FREM2: variants seen among roughly 807,000 people sequenced by gnomAD.
FREM2 encodes FRAS1-related extracellular matrix protein 2.
FREM2 carries 119 observed loss-of-function variants against 219.9 expected under a neutral mutation model. The observed-to-expected ratio is 0.54, with a 90% CI of 0.47 to 0.63. The LOEUF (loss-of-function observed/expected upper bound fraction) is 0.63. Among genes scored for constraint, FREM2 ranks in the 30% least tolerant of loss-of-function variants. FREM2 has a pLI of 0.00. For missense variants in FREM2, 4,030 were observed against 3,993.6 expected (o/e 1.01, Z -0.25); for synonymous variants, 1,562 against 1,522.8 (o/e 1.03, Z -0.60).
chr13:38,691,720 C>G lies in FREM2; in HGVS notation c.4376C>G (p.Thr1459Ser). 6.2e-7 allele frequency: 1 copy of G among 1,613,610 alleles called. No individual in the cohort carries two copies. Among genetic ancestry groups the G allele is most frequent in the South Asian group, 1.1e-5 (1 of 91,070 alleles). Residue 1459 changes from threonine to serine, a missense_variant, in exon 1 of 24, where the codon ACC becomes AGC. Physicochemically the swap from Thr to Ser is moderately conservative, Grantham distance 58. Transcript: ENST00000280481. The part of the protein sequence containing the change: ...LNSPDENLVF[T>S]ITRAPMRGHL... ...AGTCCTGATGAAAACTTGGTTTTTA[C>G]CATCACCAGGGCTCCCATGCGAGGT...
At chr13:38,864,015 G>A (rs1019516259) in intron 15 of FREM2, among the ~76,000 whole-genome samples, 3 of 151,962 alleles carry the variant, frequency 2.0e-5, no homozygotes, top group South Asian at 4.2e-4. Flanking sequence ...TTTTGGTAGA[G>A]ACAGGGTTTC....
At chr13:38,772,054 C>T (rs1406203845) in intron 4 of FREM2, among the ~76,000 whole-genome samples, 1 of 152,026 alleles carries the variant, frequency 6.6e-6, no homozygotes, top group African/African-American at 2.4e-5. Context: ...TCCTTTTGTA[C>T]TCTCTCTCCA....
chr13:38,725,526 G>A (rs1217110658), intron 2 of FREM2, among the ~76,000 whole-genome samples: 8 of 152,164 alleles, frequency 5.3e-5, no homozygotes, highest in East Asian at 3.9e-4. Context: ...TGGAAAGACC[G>A]GGGAGAAATT....
intron 6 of FREM2, chr13:38,821,914 G>A (rs1157118115): frequency 3.3e-5 from 5 of 152,200 alleles, no homozygotes; most frequent in East Asian, 1.9e-4. Flanking sequence ...TCAGGCTCCC[G>A]GAAGGCCAGT....
chr13:38,784,866 CT>C, intron 6 of FREM2, 58 bp downstream of exon 6: 4 of 1,564,600 alleles, frequency 2.6e-6, no homozygotes, highest in Non-Finnish European at 3.5e-6. Context: ...TCAGGAACAA[CT>C]TTCTAGACAG....
At chr13:38,808,117 C>T (rs148551433) in intron 6 of FREM2, among the ~76,000 whole-genome samples, 123 of 152,058 alleles carry the variant, frequency 8.1e-4, no homozygotes, top group African/African-American at 2.8e-3. Flanking sequence ...GATTTAGAGA[C>T]GGCTTCTTTC....
chr13:38,810,910 T>C (rs1875450497), intron 6 of FREM2, among the ~76,000 whole-genome samples: 1 of 152,062 alleles, frequency 6.6e-6, no homozygotes, highest in African/African-American at 2.4e-5. Context: ...AATGTTTTGG[T>C]AGAATTCAGC....
chr13:38,768,408 C>A (rs1873526143), intron 3 of FREM2, among the ~76,000 whole-genome samples: 1 of 152,078 alleles, frequency 6.6e-6, no homozygotes, highest in Non-Finnish European at 1.5e-5. Context: ...TCCCCAGTAG[C>A]AAGGACTACA....
At position 38,749,402 on chromosome 13, in the gene FREM2, T is replaced by C. The variant is rs533769304; in HGVS notation, c.5264-14902T>C. 6.2e-4 allele frequency among the ~76,000 whole-genome samples: 94 copies of C among 152,300 alleles called. 1 individual carries two copies. Among genetic ancestry groups the C allele is most frequent in the Middle Eastern group, 3.4e-3 (1 of 294 alleles). ...GTAAGAAGAGGAGGCAGTTTTATCA[T>C]TTCATCATATATATTCACAATTCAA... is the stretch of plus-strand genomic sequence containing the variant. On this transcript the variant is annotated intron_variant, in intron 2 of 23. Transcript: ENST00000280481.
At chr13:38,769,498 C>T in intron 3 of FREM2, 80 bp from the exon 4 acceptor site, 1 of 1,271,432 alleles carries the variant, frequency 7.9e-7, no homozygotes, top group Non-Finnish European at 1.1e-6. Context: ...GATAAAATGA[C>T]ATGCAAAAAG....
In FREM2 at chr13:38,843,294, G is replaced by A. The variant is rs77058412; in HGVS notation, c.6020-3279G>A. Among the ~76,000 whole-genome samples, 1,142 of 152,194 alleles carry A rather than the reference G, an allele frequency of 7.5e-3. 14 individuals are homozygous for A. The highest frequency in any genetic ancestry group is 0.026 in the African/African-American group (1,095 of 41,534). On this transcript the variant is annotated intron_variant, in intron 6 of 23. Coordinates refer to ENST00000280481, the MANE Select transcript of FREM2 (RefSeq NM_207361.6). Reference sequence around the variant, plus strand: ...TCTGTGAACTTAAACATGGTACAAGGCACAGTATGTATTTAGGAGCTGAAT... The same window carrying A: ...TCTGTGAACTTAAACATGGTACAAGACACAGTATGTATTTAGGAGCTGAAT...
At chr13:38,878,698 A>T (rs970282499) in intron 22 of FREM2, 133 bp from the exon 23 acceptor site, 4 of 953,246 alleles carry the variant, frequency 4.2e-6, no homozygotes, top group Non-Finnish European at 6.6e-6. Flanking sequence ...CAACAAAATG[A>T]TCATTTTTAG....
At chr13:38,843,378 A>G (rs993493860) in intron 6 of FREM2, among the ~76,000 whole-genome samples, 2 of 152,100 alleles carry the variant, frequency 1.3e-5, no homozygotes, top group Admixed American at 6.6e-5. Context: ...GGGTATTTCC[A>G]TAACTGATCT....
intron 15 of FREM2, among the ~76,000 whole-genome samples, chr13:38,863,008 A>G (rs983567877): frequency 1.8e-4 from 28 of 152,268 alleles, no homozygotes; most frequent in African/African-American, 6.7e-4. Context: ...ACAAATTTTC[A>G]GTCCTTAGCC....
intron 16 of FREM2, among the ~76,000 whole-genome samples, chr13:38,869,757 A>C (rs887452045): frequency 6.6e-6 from 1 of 152,230 alleles, no homozygotes; most frequent in South Asian, 2.1e-4. Flanking sequence ...GTTTGGGTTC[A>C]CAATAAAAAA....
rs1869525739 is a variant in FREM2 at position 38,687,552 on chromosome 13, G to A, written c.208G>A (p.Glu70Lys). The change falls in exon 1 of 24, where the codon GAG becomes AAG. Residue 70 changes from glutamate (E) to lysine (K), a missense_variant. Glu to Lys is a moderately conservative substitution (Grantham distance 56). This residue lies in a region of FREM2 where 3,102 missense variants were observed against 2,950.7 expected (regional missense o/e 1.05). Coordinates refer to ENST00000280481, the MANE Select transcript of FREM2 (RefSeq NM_207361.6). ...GGGGGCTGCAGGGGTCCCTGCTGAG[G>A]AGGCCATAGTGCTGGCGAACCGCGG... ...LAGAAGVPAE[E>K]AIVLANRGLR... 14 of 1,602,604 alleles carry A rather than the reference G, an allele frequency of 8.7e-6. No individual in the cohort carries two copies. The highest frequency in any genetic ancestry group is 1.2e-5 in the Non-Finnish European group (14 of 1,174,484).
At chr13:38,720,834 T>C (rs2138107380) in intron 2 of FREM2, among the ~76,000 whole-genome samples, 1 of 152,282 alleles carries the variant, frequency 6.6e-6, no homozygotes, top group Non-Finnish European at 1.5e-5. Context: ...AGGAGGGAGA[T>C]GTCAGGATGT....
In FREM2 at chr13:38,758,923, C is replaced by G. The variant is rs571867531; in HGVS notation, c.5264-5381C>G. 2.0e-5 allele frequency among the ~76,000 whole-genome samples: 3 copies of G among 152,266 alleles called. No homozygotes were observed. The East Asian group carries it at 5.8e-4, about 29-fold the overall frequency. On this transcript the variant is annotated intron_variant, in intron 2 of 23. Coordinates refer to ENST00000280481, the MANE Select transcript of FREM2 (RefSeq NM_207361.6). ...TGGCTTACACCTATAGTCCCAACTACTCAGGGGCCTGAGGTGGGAGGATCA... is the reference window on the plus strand; with the variant it reads ...TGGCTTACACCTATAGTCCCAACTAGTCAGGGGCCTGAGGTGGGAGGATCA...
chr13:38,732,283 T>A (rs933876543), intron 2 of FREM2, among the ~76,000 whole-genome samples: 2 of 152,222 alleles, frequency 1.3e-5, no homozygotes, highest in African/African-American at 4.8e-5. Context: ...AACGTGTCAA[T>A]TCAGGTTTCA....
Sources: allele counts gnomAD v4.1 joint callset (sites outside exome capture counted in the v4.1 genomes callset), GRCh38; gene constraint gnomAD v4.1.1; regional missense constraint gnomAD v4.1.1; transcripts MANE v1.5; gene names NCBI Gene and HGNC (gene_info 2026-07-23, HGNC 2026-07-21).